DIXDC1: variants seen among roughly 807,000 people sequenced by gnomAD.
DIXDC1 encodes DIX domain containing 1.
Under a neutral mutation model 103.1 loss-of-function variants are expected in DIXDC1, and 64 were observed. The ratio of observed to expected loss-of-function variants is 0.62; its 90% CI spans 0.51 to 0.76. The LOEUF is 0.76. DIXDC1 is among the 30% of genes least tolerant of loss of function. The pLI, the probability that DIXDC1 is intolerant of heterozygous loss-of-function variation, is 0.00. For synonymous variants in DIXDC1, 266 were observed against 298.5 expected (o/e 0.89, Z 1.12); for missense variants, 759 against 834.2 (o/e 0.91, Z 1.11).
At chr11:111,997,332 AT>A (rs1160819448) in intron 17 of DIXDC1, among the ~76,000 whole-genome samples, 129 of 147,290 alleles carry the variant, frequency 8.8e-4, no homozygotes, top group Admixed American at 8.2e-4. Flanking sequence ...AATGAAACAA[AT>A]TTTTTTTTTT....
intron 1 of DIXDC1, among the ~76,000 whole-genome samples, chr11:111,960,035 A>G (rs1859519059): frequency 6.6e-6 from 1 of 151,770 alleles, no homozygotes; most frequent in Non-Finnish European, 1.5e-5. Flanking sequence ...TCAGCCTCCC[A>G]AGTATCTGGG....
intron 1 of DIXDC1, among the ~76,000 whole-genome samples, chr11:111,950,432 ATATATATTTTTTTTTTTT>A (rs1966755069): frequency 4.7e-5 from 1 of 21,188 alleles, no homozygotes; most frequent in African/African-American, 2.9e-4. Context: ...ATATATATAT[ATATATATTTTTTTTTTTT>A]TTTTTTTTTT....
intron 1 of DIXDC1, among the ~76,000 whole-genome samples, chr11:111,928,054 A>G (rs1965888087): frequency 2.0e-5 from 3 of 151,680 alleles, no homozygotes. Flanking sequence ...TTAGCCCCAT[A>G]AAGTGTGAGA....
At chr11:111,966,497 G>A (rs993055292) in intron 2 of DIXDC1, among the ~76,000 whole-genome samples, 10 of 144,312 alleles carry the variant, frequency 6.9e-5, no homozygotes, top group East Asian at 2.0e-4. Context: ...TCCGCCTCCC[G>A]GGTTCACGCC....
chr11:112,016,930 C>A, intron 18 of DIXDC1, 134 bp downstream of exon 18: 2 of 691,498 alleles, frequency 2.9e-6, no homozygotes, highest in South Asian at 1.9e-5. Flanking sequence ...GTGAGATAAG[C>A]CAGAGAGACA....
rs587681430 is a variant in DIXDC1 at position 111,944,797 on chromosome 11, T to A, written c.60+7238T>A. Among the ~76,000 whole-genome samples, 11 of 152,344 alleles carry A rather than the reference T, an allele frequency of 7.2e-5. No individual in the cohort carries two copies. The South Asian group carries it at 8.3e-4, about 11-fold the overall frequency. On this transcript the variant is annotated intron_variant, in intron 1 of 19. Transcript: ENST00000440460. ...CAGTTTTAACTCTTGTTATGTCTAC[T>A]GACTGACTTCTTCTGAGGCCTGACT...
Position 111,980,452 on chromosome 11 carries a change from C to A in DIXDC1, c.657-285C>A, listed in dbSNP as rs368154016. Among the ~76,000 whole-genome samples the A allele has an allele frequency of 2.0e-5, 3 of 152,304 alleles. No homozygotes were observed. The South Asian group carries it at 6.2e-4, about 32-fold the overall frequency. On this transcript the variant is annotated intron_variant, in intron 5 of 19. Coordinates refer to ENST00000440460, the MANE Select transcript of DIXDC1 (RefSeq NM_001037954.4). ...GGAGTTCTTTGAATGCTAGATTACC[C>A]ATCATTTTGGTAAATCTCTTCTCAA...
At chr11:111,928,924 G>A (rs1385535614) in intron 1 of DIXDC1, among the ~76,000 whole-genome samples, 1 of 152,150 alleles carries the variant, frequency 6.6e-6, no homozygotes, top group African/African-American at 2.4e-5. Context: ...ATGCGCGGTG[G>A]CTCACGCCTG....
intron 2 of DIXDC1, among the ~76,000 whole-genome samples, chr11:111,930,566 T>C (rs1490560216): frequency 1.3e-5 from 2 of 152,218 alleles, no homozygotes; most frequent in Non-Finnish European, 2.9e-5. Flanking sequence ...ATAAAATTGT[T>C]AAAATGTTTG....
Position 111,942,443 on chromosome 11 carries a change from C to T in DIXDC1, c.60+4884C>T, listed in dbSNP as rs1337978562. Reference sequence around the variant, plus strand: ...ATGCATTTTCTTGTTTGTTATTCCCCCAAACCAAGCTCCATTAAAGTGGTC... The same window carrying T: ...ATGCATTTTCTTGTTTGTTATTCCCTCAAACCAAGCTCCATTAAAGTGGTC... On this transcript the variant is annotated intron_variant, in intron 1 of 19. Coordinates refer to ENST00000440460, the MANE Select transcript of DIXDC1 (RefSeq NM_001037954.4). Among the ~76,000 whole-genome samples, 3 of 152,198 alleles carry T rather than the reference C, an allele frequency of 2.0e-5. No individual in the cohort carries two copies. The East Asian group carries it at 5.8e-4, about 29-fold the overall frequency.
intron 1 of DIXDC1, among the ~76,000 whole-genome samples, chr11:111,940,271 C>T (rs782291653): frequency 6.6e-6 from 1 of 152,250 alleles, no homozygotes; most frequent in East Asian, 1.9e-4. Flanking sequence ...GCAAATAACT[C>T]ACGGAATTGA....
intron 17 of DIXDC1, among the ~76,000 whole-genome samples, chr11:112,014,591 A>G (rs1441082196): frequency 6.6e-6 from 1 of 152,176 alleles, no homozygotes; most frequent in Non-Finnish European, 1.5e-5. Context: ...CAGTCTTCCA[A>G]TACAGCTTGT....
At chr11:111,936,743 G>A (rs1239559412), upstream of DIXDC1, among the ~76,000 whole-genome samples, 1 of 151,966 alleles carries the variant, frequency 6.6e-6, no homozygotes, top group African/African-American at 2.4e-5. Flanking sequence ...CAGGGCCCAT[G>A]TGGAAAAAGG....
At chr11:111,950,871 G>T (rs1177951537) in intron 1 of DIXDC1, among the ~76,000 whole-genome samples, 2 of 152,032 alleles carry the variant, frequency 1.3e-5, no homozygotes, top group Admixed American at 6.6e-5. Context: ...TCCTTTCTTT[G>T]TGTTACAAAT....
upstream of DIXDC1, among the ~76,000 whole-genome samples, chr11:111,933,566 A>G (rs1966100350): frequency 1.3e-5 from 2 of 152,022 alleles, no homozygotes; most frequent in African/African-American, 4.8e-5. Flanking sequence ...AGTAGCTGGG[A>G]CTATGGGCAC....
chr11:111,976,615 C>T lies in DIXDC1; in HGVS notation c.656+1632C>T, dbSNP rs942247910. On this transcript the variant is annotated intron_variant, in intron 5 of 19. Transcript: ENST00000440460. The surrounding 1 kb of genome is among the most constrained non-coding windows in gnomAD (Gnocchi z 4.3). ...CCCGCACATTCTGAGCCCTCGCCCCCAGGGAGCCCACTTAGTGGCTCTGTG... is the reference window on the plus strand; with the variant it reads ...CCCGCACATTCTGAGCCCTCGCCCCTAGGGAGCCCACTTAGTGGCTCTGTG... Among the ~76,000 whole-genome samples, 7 of 152,136 alleles carry T rather than the reference C, an allele frequency of 4.6e-5. No homozygotes were observed. The highest frequency in any genetic ancestry group is 1.0e-4 in the Non-Finnish European group (7 of 68,020).
At chr11:111,973,662 C>G (rs1860007376) in intron 3 of DIXDC1, among the ~76,000 whole-genome samples, 1 of 152,166 alleles carries the variant, frequency 6.6e-6, no homozygotes. Context: ...TTCCCTCTTC[C>G]TGGAATACTC....
In DIXDC1 at chr11:111,977,443, G is replaced by T. The variant is rs1566516792; in HGVS notation, c.656+2460G>T. ...GGGATGCCCGGCACCGTGCGTCCGC[G>T]GAGGCCAAGATGCAGCGGCCAGGGG... On this transcript the variant is annotated intron_variant, in intron 5 of 19. Transcript: ENST00000440460. The surrounding 1 kb of genome is among the most constrained non-coding windows in gnomAD (Gnocchi z 6.1). 2 of 1,233,478 alleles carry T rather than the reference G, an allele frequency of 1.6e-6. No individual in the cohort carries two copies. The highest frequency in any genetic ancestry group is 4.6e-5 in the Admixed American group (1 of 21,650). The allele number at this position is 1,233,478 out of a possible 1,614,324, so 76.4% of individuals were successfully genotyped here.
In DIXDC1 at chr11:111,982,410, G is replaced by A; in HGVS notation, c.841G>A (p.Glu281Lys). 2.5e-6 allele frequency: 4 copies of A among 1,613,960 alleles called. No individual in the cohort carries two copies. Among genetic ancestry groups the A allele is most frequent in the Non-Finnish European group, 3.4e-6 (4 of 1,179,866 alleles). ...SPGTYLETSW[E>K]EQLLEQQEYL... ...TGGAACCTATCTGGAGACCTCATGG[G>A]AAGAACAGCTGTTGGAACAACAAGA... The change falls in exon 7 of 20, where the codon GAA becomes AAA. Residue 281 changes from glutamate to lysine, a missense_variant. By Grantham distance (56) the Glu-to-Lys change is moderately conservative (BLOSUM62 1). Around this residue, in one of 3 missense-constraint regions of DIXDC1, gnomAD observed 657 missense variants for 727.5 expected, o/e 0.90. Coordinates refer to ENST00000440460, the MANE Select transcript of DIXDC1 (RefSeq NM_001037954.4).
Sources: gnomAD v4.1 joint callset for allele counts (sites outside exome capture counted in the v4.1 genomes callset) on GRCh38, gnomAD v4.1.1 for gene constraint, gnomAD v4.1.1 regional missense constraint, Gnocchi (gnomAD v3.1) non-coding constraint, MANE v1.5 for transcripts, NCBI Gene and HGNC (gene_info 2026-07-23, HGNC 2026-07-21) for gene names.